Variants in SLC25A37 observed in about 807,000 individuals in gnomAD.
SLC25A37 encodes the protein solute carrier family 25 member 37, also known as mitoferrin-1.
SLC25A37 carries 17 observed loss-of-function variants against 31.0 expected under a neutral mutation model. That is an observed-to-expected ratio of 0.55 (90% CI 0.38 to 0.82). The LOEUF (loss-of-function observed/expected upper bound fraction) is 0.82. SLC25A37 is among the 40% of genes least tolerant of loss of function. SLC25A37 has a pLI of 0.00. For synonymous variants in SLC25A37, 222 were observed against 193.0 expected (o/e 1.15, Z -1.24); for missense variants, 404 against 465.8 (o/e 0.87, Z 1.22).
At chr8:23,569,342 A>C (rs530651966) in intron 3 of SLC25A37, among the ~76,000 whole-genome samples, 1 of 152,032 alleles carries the variant, frequency 6.6e-6, no homozygotes, top group African/African-American at 2.4e-5. Flanking sequence ...TAGGGACCAG[A>C]ATCTGTTTAT....
Position 23,571,725 on chromosome 8 carries a change from C to G in SLC25A37, c.887C>G (p.Ala296Gly), listed in dbSNP as rs751827178. The G allele has an allele frequency of 2.5e-6, 4 of 1,614,042 alleles. No homozygotes were observed. Among genetic ancestry groups the G allele is most frequent in the Non-Finnish European group, 3.4e-6 (4 of 1,179,898 alleles). ...ACGGTGTACCAGCTCAACGGCCTGG[C>G]CGGCTACTTCAAAGGCATCCAGGCG... is the stretch of plus-strand genomic sequence containing the variant. ...FRTVYQLNGL[A>G]GYFKGIQARV... Residue 296 changes from alanine to glycine, a missense_variant, in exon 4 of 4, where the codon GCC (alanine) becomes GGC (glycine). Around this residue, in one of 3 missense-constraint regions of SLC25A37, gnomAD observed 243 missense variants for 284.4 expected, o/e 0.85. Coordinates refer to ENST00000519973, the MANE Select transcript of SLC25A37 (RefSeq NM_016612.4).
At chr8:23,556,917 C>T (rs1802382457) in intron 1 of SLC25A37, among the ~76,000 whole-genome samples, 2 of 152,122 alleles carry the variant, frequency 1.3e-5, no homozygotes, top group Admixed American at 6.5e-5. Flanking sequence ...ATGGTGCGAT[C>T]TTGGCTCACT....
chr8:23,573,462 A>G lies in SLC25A37; in HGVS notation c.*1607A>G. Reference sequence around the variant, plus strand: ...GTCTTTAAAAATGAGCAGGAAGCTCATGTATGTTTGCATTTCAGTGAGCCG... The same window carrying G: ...GTCTTTAAAAATGAGCAGGAAGCTCGTGTATGTTTGCATTTCAGTGAGCCG... On this transcript the variant is annotated 3_prime_UTR_variant, in exon 4 of 4. Transcript: ENST00000519973. The G allele has an allele frequency of 5.1e-6, 1 of 196,624 alleles. No individual in the cohort carries two copies. The highest frequency in any genetic ancestry group is 1.3e-4 in the East Asian group (1 of 7,546). The allele number at this position is 196,624 out of a possible 1,614,324, so 12.2% of individuals were successfully genotyped here.
intron 1 of SLC25A37, among the ~76,000 whole-genome samples, chr8:23,554,666 C>G (rs949063774): frequency 1.3e-5 from 2 of 152,082 alleles, no homozygotes; most frequent in Non-Finnish European, 2.9e-5. Flanking sequence ...TTCCTAGGGT[C>G]GGGGGATGTG....
At chr8:23,555,194 G>A (rs1032381952) in intron 1 of SLC25A37, among the ~76,000 whole-genome samples, 6 of 152,132 alleles carry the variant, frequency 3.9e-5, no homozygotes, top group Non-Finnish European at 7.4e-5. Context: ...CTCCTGCAGC[G>A]GGAATTGTTT....
chr8:23,542,140 G>A (rs1801910444), intron 1 of SLC25A37, among the ~76,000 whole-genome samples: 1 of 152,152 alleles, frequency 6.6e-6, no homozygotes, highest in Admixed American at 6.5e-5. Context: ...ATGAGACAGT[G>A]ATCCCATAGA....
At position 23,572,860 on chromosome 8, in the gene SLC25A37, G is replaced by C. The variant is rs1802899303; in HGVS notation, c.*1005G>C. Reference sequence around the variant, plus strand: ...TTCCCTGGTTGTGAGTGATGTGAATGCCTGCCTTCCCCGGTCAGCACTTAG... The same window carrying C: ...TTCCCTGGTTGTGAGTGATGTGAATCCCTGCCTTCCCCGGTCAGCACTTAG... On this transcript the variant is annotated 3_prime_UTR_variant, in exon 4 of 4. Coordinates refer to ENST00000519973, the MANE Select transcript of SLC25A37 (RefSeq NM_016612.4). 1 of 152,280 alleles carries C rather than the reference G, an allele frequency of 6.6e-6. No homozygotes were observed. Among genetic ancestry groups the C allele is most frequent in the African/African-American group, 2.4e-5 (1 of 41,450 alleles). The allele number at this position is 152,280 out of a possible 1,614,324, so 9.4% of individuals were successfully genotyped here. A position where few individuals can be genotyped will look rare whatever the true frequency, so the allele number is the denominator to read the frequency against.
intron 1 of SLC25A37, among the ~76,000 whole-genome samples, chr8:23,552,497 T>G (rs1802253653): frequency 6.6e-6 from 1 of 152,150 alleles, no homozygotes; most frequent in Non-Finnish European, 1.5e-5. Context: ...ATATAATGGT[T>G]GAGTGACTGG....
chr8:23,556,108 G>A (rs1207764488), intron 1 of SLC25A37, among the ~76,000 whole-genome samples: 1 of 151,840 alleles, frequency 6.6e-6, no homozygotes, highest in Non-Finnish European at 1.5e-5. Context: ...TGAGTCCCCC[G>A]CCATGTATTC....
At chr8:23,556,939 C>T (rs73555573) in intron 1 of SLC25A37, among the ~76,000 whole-genome samples, 3 of 152,120 alleles carry the variant, frequency 2.0e-5, no homozygotes, top group Non-Finnish European at 1.5e-5. Context: ...CAACCTCCAC[C>T]TCCTGAGTTC....
Position 23,563,063 on chromosome 8 carries a change from G to A in SLC25A37, c.211-3045G>A, listed in dbSNP as rs573775562. 1.7e-4 allele frequency among the ~76,000 whole-genome samples: 26 copies of A among 152,296 alleles called. No individual in the cohort carries two copies. The East Asian group carries it at 4.8e-3, about 28-fold the overall frequency. On this transcript the variant is annotated intron_variant, in intron 1 of 3. Coordinates refer to ENST00000519973, the MANE Select transcript of SLC25A37 (RefSeq NM_016612.4). ...CGTTTGGTCTGGCCAACAGCCACTC[G>A]GGAGCTGAATGAGGTGTTGTGACCA...
intron 3 of SLC25A37, among the ~76,000 whole-genome samples, chr8:23,569,959 C>T (rs1227081806): frequency 6.6e-6 from 1 of 152,176 alleles, no homozygotes; most frequent in Non-Finnish European, 1.5e-5. Context: ...AAGTCTCATG[C>T]TATAAGTTTG....
chr8:23,570,939 C>G (rs1039428165), intron 3 of SLC25A37, among the ~76,000 whole-genome samples: 15 of 152,178 alleles, frequency 9.9e-5, no homozygotes, highest in Non-Finnish European at 1.3e-4. Context: ...AGGAGGAGGG[C>G]AGAGGGGACA....
At chr8:23,554,198 T>C (rs1014797916) in intron 1 of SLC25A37, among the ~76,000 whole-genome samples, 1 of 152,234 alleles carries the variant, frequency 6.6e-6, no homozygotes, top group Admixed American at 6.5e-5. Context: ...GATAACTGGT[T>C]GCTAATATTG....
chr8:23,544,589 A>G (rs1007221826), intron 1 of SLC25A37, among the ~76,000 whole-genome samples: 10 of 152,042 alleles, frequency 6.6e-5, no homozygotes, highest in Non-Finnish European at 1.5e-4. Flanking sequence ...GGGATCCTGC[A>G]CCTCACGGGG....
At chr8:23,547,517 A>C (rs914778114) in intron 1 of SLC25A37, among the ~76,000 whole-genome samples, 1 of 152,222 alleles carries the variant, frequency 6.6e-6, no homozygotes, top group African/African-American at 2.4e-5. Context: ...TTCTCTCGGG[A>C]ACTCACCAGT....
chr8:23,529,431 C>A lies in SLC25A37; in HGVS notation c.210+219C>A, dbSNP rs1014226624. Among the ~76,000 whole-genome samples the A allele has an allele frequency of 1.3e-5, 2 of 151,716 alleles. No individual in the cohort carries two copies. The highest frequency in any genetic ancestry group is 4.8e-5 in the African/African-American group (2 of 41,388). ...TGCCCGGTCCTCGCCCCGCACCGCC[C>A]GCTGCTCCAGCCGCGTGCCCGGCCC... is the stretch of plus-strand genomic sequence containing the variant. On this transcript the variant is annotated intron_variant, in intron 1 of 3. Coordinates refer to ENST00000519973, the MANE Select transcript of SLC25A37 (RefSeq NM_016612.4). The surrounding 1 kb of genome is among the most constrained non-coding windows in gnomAD (Gnocchi z 4.1).
In SLC25A37 at chr8:23,529,076, G is replaced by A; in HGVS notation, c.74G>A (p.Gly25Asp). The stretch of plus-strand genomic sequence containing the variant: ...ATGGATGGGGACAGCCGAGATGGCG[G>A]CGGCGGCAAGGACGCCACCGGGTCG... ...RRMDGDSRDG[G>D]GGKDATGSED... Residue 25 changes from glycine to aspartate, a missense_variant, in exon 1 of 4, where the codon GGC (glycine) becomes GAC (aspartate). This residue lies in a region of SLC25A37 where 154 missense variants were observed against 153.6 expected (regional missense o/e 1.00). Coordinates refer to ENST00000519973, the MANE Select transcript of SLC25A37 (RefSeq NM_016612.4). This position sits in a 1 kb window ranked among gnomAD's most constrained non-coding sequence, Gnocchi z 4.1. 6.3e-7 allele frequency: 1 copy of A among 1,597,172 alleles called. No homozygotes were observed. The highest frequency in any genetic ancestry group is 2.3e-5 in the East Asian group (1 of 43,870).
intron 1 of SLC25A37, among the ~76,000 whole-genome samples, chr8:23,546,060 G>A (rs572465721): frequency 1.8e-4 from 27 of 152,054 alleles, no homozygotes; most frequent in African/African-American, 5.8e-4. Flanking sequence ...ACTTGAACCC[G>A]GGAGGCAGAG....
Sources: gnomAD v4.1 joint callset for allele counts (sites outside exome capture counted in the v4.1 genomes callset) on GRCh38, gnomAD v4.1.1 for gene constraint, gnomAD v4.1.1 regional missense constraint, Gnocchi (gnomAD v3.1) non-coding constraint, MANE v1.5 for transcripts, NCBI Gene and HGNC (gene_info 2026-07-23, HGNC 2026-07-21) for gene names.